Variants in LRP1B observed in about 807,000 individuals in gnomAD.
LRP1B encodes LDL receptor related protein 1B.
LRP1B carries 217 observed loss-of-function variants against 556.6 expected under a neutral mutation model. That is an observed-to-expected ratio of 0.39 (90% CI 0.35 to 0.44). The LOEUF (loss-of-function observed/expected upper bound fraction) is 0.44, where lower values mean the gene tolerates loss of function less well. Among genes scored for constraint, LRP1B ranks in the 20% least tolerant of loss-of-function variants. The probability of loss-of-function intolerance (pLI) is 1.00; values close to 1 mark genes in which losing one functional copy is unlikely to be tolerated. For missense variants in LRP1B, 5,053 were observed against 5,620.8 expected, an observed-to-expected ratio of 0.90 and a Z score of 3.23; for synonymous variants, 2,047 against 1,865.8, an observed-to-expected ratio of 1.10 and a Z score of -2.50.
intron 84 of LRP1B, among the ~76,000 whole-genome samples, chr2:140,278,388 T>C (rs1393485508): frequency 6.6e-6 from 1 of 152,060 alleles, no homozygotes; most frequent in Non-Finnish European, 1.5e-5. Context: ...TTTTTCTTTT[T>C]AATAAAAGGC....
intron 1 of LRP1B, among the ~76,000 whole-genome samples, chr2:142,019,440 T>C (rs1276844475): frequency 6.6e-6 from 1 of 152,202 alleles, no homozygotes; most frequent in Non-Finnish European, 1.5e-5. Context: ...CTGCCGTTTC[T>C]GCTCAGAAAC....
At position 140,868,404 on chromosome 2, in the gene LRP1B, G is replaced by T. The variant is rs191055209; in HGVS notation, c.4170-141C>A. The T allele has an allele frequency of 7.0e-4, 484 of 687,246 alleles. 2 individuals carry two copies. In the African/African-American group the frequency reaches 8.3e-3, roughly 12 times the overall value. The allele number at this position is 687,246 out of a possible 1,614,324, so 42.6% of individuals were successfully genotyped here. The stretch of plus-strand genomic sequence containing the variant: ...AACAGATGTATTATCTATCCTCGTG[G>T]GGCTTATGGTCCAGTGGAGGAGCCA... On this transcript the variant is annotated intron_variant, in intron 25 of 90. Coordinates refer to ENST00000389484, the MANE Select transcript of LRP1B (RefSeq NM_018557.3).
At chr2:141,403,033 GT>G (rs926139415) in intron 3 of LRP1B, among the ~76,000 whole-genome samples, 1 of 151,964 alleles carries the variant, frequency 6.6e-6, no homozygotes, top group African/African-American at 2.4e-5. Flanking sequence ...TGAGAAGCAG[GT>G]GTCTTTATTT....
chr2:141,145,803 G>A (rs1452271728), intron 7 of LRP1B, among the ~76,000 whole-genome samples: 1 of 151,904 alleles, frequency 6.6e-6, no homozygotes, highest in Non-Finnish European at 1.5e-5. Flanking sequence ...AAAGTGCTGG[G>A]ACTACAGGCA....
Position 141,188,608 on chromosome 2 carries a change from T to G in LRP1B, c.851-25A>C, listed in dbSNP as rs537895973. 573 of 1,606,294 alleles carry G rather than the reference T, an allele frequency of 3.6e-4. 6 individuals carry two copies. The South Asian group carries it at 5.9e-3, about 16-fold the overall frequency. On this transcript the variant is annotated intron_variant, in intron 6 of 90. Transcript: ENST00000389484. ...TCTGAAAAACACATACACAAAATCA[T>G]TGAATCACAGGTGCAATCTAGCATC...
intron 18 of LRP1B, among the ~76,000 whole-genome samples, chr2:140,962,726 G>A (rs1179992117): frequency 1.3e-5 from 2 of 152,280 alleles, no homozygotes; most frequent in South Asian, 2.1e-4. Context: ...TCTACTGTGC[G>A]GGATATCAAA....
At chr2:142,016,733 G>A (rs538732247) in intron 1 of LRP1B, among the ~76,000 whole-genome samples, 54 of 151,988 alleles carry the variant, frequency 3.6e-4, no homozygotes, top group African/African-American at 1.3e-3. Context: ...TGTAGATGAC[G>A]TAGTGATGGG....
intron 7 of LRP1B, among the ~76,000 whole-genome samples, chr2:141,094,480 T>A (rs1200275261): frequency 6.6e-6 from 1 of 152,172 alleles, no homozygotes; most frequent in East Asian, 1.9e-4. Flanking sequence ...TGAAATGAGG[T>A]AGGGCACAAA....
chr2:140,290,330 T>C (rs1683323685), intron 84 of LRP1B, among the ~76,000 whole-genome samples: 1 of 151,750 alleles, frequency 6.6e-6, no homozygotes, highest in African/African-American at 2.4e-5. Flanking sequence ...AATAAACAGG[T>C]TTTCAAGGTT....
chr2:141,775,780 A>G (rs1695047955), intron 2 of LRP1B, among the ~76,000 whole-genome samples: 1 of 151,714 alleles, frequency 6.6e-6, no homozygotes, highest in Non-Finnish European at 1.5e-5. Context: ...AACTGTACAA[A>G]TATTTTAATA....
At chr2:141,720,463 C>T (rs1218706541) in intron 2 of LRP1B, among the ~76,000 whole-genome samples, 4 of 152,024 alleles carry the variant, frequency 2.6e-5, no homozygotes, top group Admixed American at 2.0e-4. Context: ...TGCTGCTATC[C>T]TCATATAGTA....
At chr2:141,371,643 C>T (rs1689234632) in intron 3 of LRP1B, among the ~76,000 whole-genome samples, 1 of 151,718 alleles carries the variant, frequency 6.6e-6, no homozygotes, top group Admixed American at 6.6e-5. Flanking sequence ...AATGAGATTG[C>T]CTTCTTGATT....
At chr2:141,975,440 C>T (rs1701858140) in intron 1 of LRP1B, among the ~76,000 whole-genome samples, 1 of 151,944 alleles carries the variant, frequency 6.6e-6, no homozygotes, top group African/African-American at 2.4e-5. Flanking sequence ...TGCAGCTGGT[C>T]TCAATTTTCA....
chr2:141,489,655 AG>A (rs1476143876), intron 2 of LRP1B, among the ~76,000 whole-genome samples: 1 of 152,104 alleles, frequency 6.6e-6, no homozygotes, highest in East Asian at 1.9e-4. Context: ...TTATTTCATA[AG>A]ATCTTGTTCT....
chr2:141,107,882 T>A lies in LRP1B; in HGVS notation c.1014-45609A>T, dbSNP rs78884260. ...CAAAACACTATTATTTCTCAACGTG[T>A]ATGTAACTAAGTGAAGTTTGCTATT... On this transcript the variant is annotated intron_variant, in intron 7 of 90. Coordinates refer to ENST00000389484, the MANE Select transcript of LRP1B (RefSeq NM_018557.3). 5.8e-3 allele frequency among the ~76,000 whole-genome samples: 876 copies of A among 152,222 alleles called. 12 individuals carry two copies. Among genetic ancestry groups the A allele is most frequent in the African/African-American group, 0.019 (783 of 41,536 alleles).
At chr2:141,164,647 T>C (rs1272214676) in intron 7 of LRP1B, among the ~76,000 whole-genome samples, 1 of 152,108 alleles carries the variant, frequency 6.6e-6, no homozygotes, top group Non-Finnish European at 1.5e-5. Context: ...CTGTAGTCTT[T>C]ATGATGATGT....
intron 1 of LRP1B, among the ~76,000 whole-genome samples, chr2:142,066,366 A>G (rs1705108018): frequency 6.6e-6 from 1 of 151,502 alleles, no homozygotes; most frequent in Non-Finnish European, 1.5e-5. Flanking sequence ...CACACATTCA[A>G]CAGTTTACAT....
At chr2:140,458,015 C>G in intron 60 of LRP1B, among the ~76,000 whole-genome samples, 1 of 151,800 alleles carries the variant, frequency 6.6e-6, no homozygotes, top group Admixed American at 6.6e-5. Flanking sequence ...TACATATTTA[C>G]ATATATACAT....
At chr2:141,167,401 C>T (rs1412203974) in intron 7 of LRP1B, 2 of 151,696 alleles carry the variant, frequency 1.3e-5, no homozygotes, top group African/African-American at 4.8e-5. Flanking sequence ...ATTATATTTT[C>T]CAATAATCGT....
Sources: allele counts gnomAD v4.1 joint callset (sites outside exome capture counted in the v4.1 genomes callset), GRCh38; gene constraint gnomAD v4.1.1; transcripts MANE v1.5; gene names NCBI Gene and HGNC (gene_info 2026-07-23, HGNC 2026-07-21).